Variants in EMID1 observed in about 807,000 individuals in gnomAD.
EMID1 encodes the protein EMI domain containing 1.
Under a neutral mutation model 60.6 loss-of-function variants are expected in EMID1, and 40 were observed. The observed-to-expected ratio is 0.66, with a 90% CI of 0.51 to 0.86. EMID1 has a LOEUF of 0.86. EMID1 is among the 40% of genes least tolerant of loss of function. The pLI is 0.00. For missense variants in EMID1, 585 were observed against 597.1 expected, an observed-to-expected ratio of 0.98 and a Z score of 0.21; for synonymous variants, 242 against 231.0, an observed-to-expected ratio of 1.05 and a Z score of -0.43.
rs759530669 is a variant in EMID1, at chr22:29,233,925, A to G, written c.967-212A>G. On this transcript the variant is annotated intron_variant, in intron 10 of 14. Coordinates refer to ENST00000334018, the MANE Select transcript of EMID1 (RefSeq NM_133455.4). ...GAAAAGTAGAGATTCTTGTGCCAGC[A>G]CATGGCAATGAGCTGTGGTGGGACT... 81 of 664,750 alleles carry G rather than the reference A, an allele frequency of 1.2e-4. 1 individual carries two copies. The highest frequency in any genetic ancestry group is 1.7e-4 in the Non-Finnish European group (68 of 396,472). 41.2% of individuals were successfully genotyped at this position (664,750 alleles called of 1,614,324 possible).
intron 13 of EMID1, among the ~76,000 whole-genome samples, chr22:29,250,096 T>A (rs1019966168): frequency 3.9e-5 from 6 of 152,090 alleles, no homozygotes; most frequent in East Asian, 1.9e-4. Context: ...AATAAAAAAA[T>A]TTGTTTTCAA....
chr22:29,232,436 G>C (rs778622895), intron 8 of EMID1, 34 bp downstream of exon 8: 1 of 1,521,292 alleles, frequency 6.6e-7, no homozygotes, highest in Non-Finnish European at 8.8e-7. Flanking sequence ...AGGTGGAGGT[G>C]GGGGTGGAGT....
chr22:29,244,953 A>G (rs2041280508), intron 13 of EMID1, among the ~76,000 whole-genome samples: 1 of 152,042 alleles, frequency 6.6e-6, no homozygotes, highest in Non-Finnish European at 1.5e-5. Context: ...TCTGGCTGGG[A>G]CACCCTACTT....
At chr22:29,258,468 C>T (rs1425458179) in intron 14 of EMID1, among the ~76,000 whole-genome samples, 1 of 152,168 alleles carries the variant, frequency 6.6e-6, no homozygotes, top group Non-Finnish European at 1.5e-5. Flanking sequence ...ATGGGGATGA[C>T]TCAGGGCACA....
chr22:29,256,005 A>G (rs371788874), intron 14 of EMID1, among the ~76,000 whole-genome samples: 52 of 152,212 alleles, frequency 3.4e-4, no homozygotes, highest in African/African-American at 1.2e-3. Context: ...AGTGAGGCTG[A>G]GAAAATCTCT....
Position 29,259,192 on chromosome 22 carries a change from G to T in EMID1, c.*248G>T. 1.8e-6 allele frequency: 1 copy of T among 555,496 alleles called. No individual in the cohort carries two copies. The highest frequency in any genetic ancestry group is 3.1e-6 in the Non-Finnish European group (1 of 325,516). The allele number at this position is 555,496 out of a possible 1,614,324, so 34.4% of individuals were successfully genotyped here. On this transcript the variant is annotated 3_prime_UTR_variant, in exon 15 of 15. Transcript: ENST00000334018. ...AAGTGGGGGGAGGCAGGCCTTCAAG[G>T]AGGGATAGAGGTACAAGGCTTCGTC...
intron 12 of EMID1, among the ~76,000 whole-genome samples, chr22:29,243,112 G>A (rs2041211117): frequency 6.7e-6 from 1 of 149,636 alleles, no homozygotes. Context: ...TCTGATTCCT[G>A]AGGCCAATAA....
At chr22:29,233,986 T>C in intron 10 of EMID1, 151 bp from the exon 11 acceptor site, 1 of 806,342 alleles carries the variant, frequency 1.2e-6, no homozygotes, top group Non-Finnish European at 1.9e-6. Flanking sequence ...AACACTGAGC[T>C]GTATGAACTG....
chr22:29,222,544 C>T (rs935384367), intron 3 of EMID1, among the ~76,000 whole-genome samples: 20 of 151,838 alleles, frequency 1.3e-4, no homozygotes, highest in East Asian at 9.8e-4. Context: ...GCTGGGATTA[C>T]AGGCACGCAT....
chr22:29,219,453 G>A (rs917653859), intron 3 of EMID1, among the ~76,000 whole-genome samples: 3 of 152,144 alleles, frequency 2.0e-5, no homozygotes, highest in Non-Finnish European at 4.4e-5. Context: ...AGGAACCAGA[G>A]AGGGGACACT....
rs573762504 is a variant in EMID1 at position 29,238,578 on chromosome 22, C to T, written c.1074+4229C>T. Among the ~76,000 whole-genome samples the T allele has an allele frequency of 4.4e-4, 63 of 143,402 alleles. 6 individuals are homozygous for T. Among genetic ancestry groups the T allele is most frequent in the Non-Finnish European group, 5.5e-4 (37 of 66,882 alleles). The allele number at this position is 143,402 out of a possible 152,430, so 94.1% of individuals were successfully genotyped here. Reference sequence around the variant, plus strand: ...GATTACAGGCACCTGCCATCACGCCCGGCTAATTTTTTGTATTTTTAGTAG... The same window carrying T: ...GATTACAGGCACCTGCCATCACGCCTGGCTAATTTTTTGTATTTTTAGTAG... On this transcript the variant is annotated intron_variant, in intron 12 of 14. Coordinates refer to ENST00000334018, the MANE Select transcript of EMID1 (RefSeq NM_133455.4).
intron 14 of EMID1, 33 bp downstream of exon 14, chr22:29,254,320 C>T: frequency 6.3e-7 from 1 of 1,598,368 alleles, no homozygotes; most frequent in African/African-American, 1.3e-5. Context: ...ACAGACGGCC[C>T]AGCCCCTGCC....
intron 3 of EMID1, among the ~76,000 whole-genome samples, chr22:29,219,022 C>T (rs541724743): frequency 1.3e-5 from 2 of 152,130 alleles, no homozygotes; most frequent in African/African-American, 2.4e-5. Context: ...CCGTGCTGGG[C>T]GCTGCAAGGT....
chr22:29,215,206 T>C, intron 2 of EMID1, 167 bp downstream of exon 2: 3 of 985,456 alleles, frequency 3.0e-6, no homozygotes, highest in South Asian at 4.7e-5. Context: ...CCCTGTGCTG[T>C]TGAAGCACCC....
At chr22:29,231,960 C>T in intron 7 of EMID1, 1 of 573,844 alleles carries the variant, frequency 1.7e-6, no homozygotes, top group Non-Finnish European at 3.1e-6. Flanking sequence ...AGCTTCCATG[C>T]TGCTGGGAGC....
intron 6 of EMID1, 148 bp from the exon 7 acceptor site, chr22:29,231,445 C>T (rs748534242): frequency 2.2e-6 from 2 of 901,362 alleles, no homozygotes; most frequent in Non-Finnish European, 3.6e-6. Flanking sequence ...TCTGCCTACC[C>T]CCCCCACCCC....
Position 29,212,779 on chromosome 22 carries a change from G to C in EMID1, c.102-2147G>C, listed in dbSNP as rs149200680. On this transcript the variant is annotated intron_variant, in intron 1 of 14. Coordinates refer to ENST00000334018, the MANE Select transcript of EMID1 (RefSeq NM_133455.4). ...AGGGTTTCTCCATGTTGCCCAGGCT[G>C]GTCTCGAACTCCTGACCTCACGTGA... Among the ~76,000 whole-genome samples the C allele has an allele frequency of 3.1e-3, 473 of 152,242 alleles. 2 individuals carry two copies. The highest frequency in any genetic ancestry group is 0.011 in the African/African-American group (458 of 41,528).
chr22:29,233,769 C>A, intron 10 of EMID1, 103 bp downstream of exon 10: 1 of 1,098,102 alleles, frequency 9.1e-7, no homozygotes, highest in Non-Finnish European at 1.3e-6. Context: ...TCCATCTATC[C>A]ATCCATCCAT....
At chr22:29,236,244 A>G (rs1049320976) in intron 12 of EMID1, among the ~76,000 whole-genome samples, 5 of 152,126 alleles carry the variant, frequency 3.3e-5, no homozygotes, top group Admixed American at 1.3e-4. Context: ...ACAAATTTAA[A>G]AATTGGCTGG....
Sources: allele counts gnomAD v4.1 joint callset (sites outside exome capture counted in the v4.1 genomes callset), GRCh38; gene constraint gnomAD v4.1.1; transcripts MANE v1.5; gene names NCBI Gene and HGNC (gene_info 2026-07-23, HGNC 2026-07-21).